Variants in PMFBP1 observed in about 807,000 individuals in gnomAD.
PMFBP1 encodes polyamine modulated factor 1 binding protein 1.
A neutral mutation model predicts 137.8 loss-of-function variants in PMFBP1; 131 were observed. The ratio of observed to expected loss-of-function variants is 0.95; its 90% CI spans 0.82 to 1.10. PMFBP1 has a LOEUF of 1.10. PMFBP1 is among the 50% of genes least tolerant of loss of function. The pLI is 0.00. For missense variants in PMFBP1, 1,199 were observed against 1,175.4 expected (o/e 1.02, Z -0.29); for synonymous variants, 490 against 450.4 (o/e 1.09, Z -1.11).
chr16:72,128,771 C>A lies in PMFBP1; in HGVS notation c.1974G>T (p.Leu658Phe). The part of the protein sequence containing the change: ...DKTLKENSRK[L>F]EEENENLRAE... ...CTCGGAGATTCTCATTTTCTTCCTCCAACTTTCTGGAATTCTCTTTCAACT... is the reference window on the plus strand; with the variant it reads ...CTCGGAGATTCTCATTTTCTTCCTCAAACTTTCTGGAATTCTCTTTCAACT... Residue 658 changes from leucine to phenylalanine, a missense_variant, in exon 14 of 21, where the codon TTG (leucine) becomes TTT (phenylalanine). Leu to Phe is a conservative substitution (Grantham distance 22). Coordinates refer to ENST00000237353, the MANE Select transcript of PMFBP1 (RefSeq NM_031293.3). 6.2e-7 allele frequency: 1 copy of A among 1,614,182 alleles called. No individual in the cohort carries two copies. Among genetic ancestry groups the A allele is most frequent in the Non-Finnish European group, 8.5e-7 (1 of 1,180,028 alleles).
At chr16:72,179,270 T>A (rs1229428125), upstream of PMFBP1, among the ~76,000 whole-genome samples, 1 of 152,224 alleles carries the variant, frequency 6.6e-6, no homozygotes. Flanking sequence ...TCAAACTGCA[T>A]AACCTAATAG....
At chr16:72,166,162 C>A (rs1339992188) in intron 2 of PMFBP1, among the ~76,000 whole-genome samples, 1 of 152,168 alleles carries the variant, frequency 6.6e-6, no homozygotes, top group African/African-American at 2.4e-5. Flanking sequence ...AAGTCCCCAA[C>A]CAAACCTCAT....
chr16:72,202,364 G>T, the PMFBP1 span, among the ~76,000 whole-genome samples: 1 of 152,168 alleles, frequency 6.6e-6, no homozygotes, highest in Non-Finnish European at 1.5e-5. Flanking sequence ...TATTTTTAGA[G>T]ATGGGATCTT....
At chr16:72,227,000 C>T in the PMFBP1 span, among the ~76,000 whole-genome samples, 15 of 152,072 alleles carry the variant, frequency 9.9e-5, no homozygotes, top group African/African-American at 2.9e-4. Context: ...TAATAAAAAA[C>T]CCACCCTCCC....
intron 5 of PMFBP1, among the ~76,000 whole-genome samples, chr16:72,144,484 G>A (rs945711588): frequency 1.3e-5 from 2 of 152,052 alleles, no homozygotes; most frequent in Non-Finnish European, 2.9e-5. Context: ...CAGAAGAATC[G>A]GTCTGTGAGC....
intron 3 of PMFBP1, among the ~76,000 whole-genome samples, chr16:72,159,797 CTTTT>C (rs34162927): frequency 2.0e-5 from 3 of 147,554 alleles, no homozygotes; most frequent in Non-Finnish European, 4.5e-5. Context: ...GCTTCTTTGT[CTTTT>C]TTTTTTTTTT....
the PMFBP1 span, among the ~76,000 whole-genome samples, chr16:72,234,153 A>G: frequency 6.6e-6 from 1 of 152,174 alleles, no homozygotes; most frequent in South Asian, 2.1e-4. Flanking sequence ...AGAAAGTGTT[A>G]CACTATTTTC....
rs2042436980 is a variant in PMFBP1, at chr16:72,125,235, C to T, written c.2421+3G>A. 6.2e-7 allele frequency: 1 copy of T among 1,611,524 alleles called. No individual in the cohort carries two copies. The highest frequency in any genetic ancestry group is 1.1e-5 in the South Asian group (1 of 90,588). ...GCAGCCCAAGCCCCTGGCAGCTCCT[C>T]ACCTCCAGCTCACTCTCCTGGTGGA... On this transcript the variant is annotated splice_donor_region_variant and intron_variant, in intron 16 of 20. Transcript: ENST00000237353.
At chr16:72,120,326 C>T (rs1048667515) in intron 19 of PMFBP1, among the ~76,000 whole-genome samples, 2 of 152,186 alleles carry the variant, frequency 1.3e-5, no homozygotes, top group Admixed American at 1.3e-4. Flanking sequence ...ACTCTGCCAG[C>T]TCTGGGCCTG....
chr16:72,233,076 T>C, the PMFBP1 span, among the ~76,000 whole-genome samples: 1 of 152,160 alleles, frequency 6.6e-6, no homozygotes, highest in Non-Finnish European at 1.5e-5. Context: ...TTAAGGTAAA[T>C]CATTTCTATA....
At chr16:72,240,506 T>C in the PMFBP1 span, among the ~76,000 whole-genome samples, 8 of 152,270 alleles carry the variant, frequency 5.3e-5, no homozygotes. Flanking sequence ...CATTTTGGTT[T>C]CCTTAATTTC....
At chr16:72,197,457 T>G in the PMFBP1 span, among the ~76,000 whole-genome samples, 1 of 152,166 alleles carries the variant, frequency 6.6e-6, no homozygotes, top group South Asian at 2.1e-4. Context: ...ATATACACAC[T>G]TAAATAGCAG....
At chr16:72,160,179 G>A (rs2144477579) in intron 3 of PMFBP1, among the ~76,000 whole-genome samples, 1 of 152,316 alleles carries the variant, frequency 6.6e-6, no homozygotes, top group East Asian at 1.9e-4. Flanking sequence ...GGCATGATTT[G>A]CCTTTTGAAA....
chr16:72,236,607 C>G, the PMFBP1 span, among the ~76,000 whole-genome samples: 6 of 152,120 alleles, frequency 3.9e-5, no homozygotes, highest in Non-Finnish European at 8.8e-5. Flanking sequence ...GCAGTACCCA[C>G]TAAATGTTTT....
Position 72,129,358 on chromosome 16 carries a change from C to A in PMFBP1, c.1783-125G>T, listed in dbSNP as rs2042513715. On this transcript the variant is annotated intron_variant, in intron 12 of 20. Transcript: ENST00000237353. The stretch of plus-strand genomic sequence containing the variant: ...AGAAGACAATTCCTTAGTTATATAG[C>A]ATATGTAAAATAAAAGGTTTCCTCC... 4 of 1,091,664 alleles carry A rather than the reference C, an allele frequency of 3.7e-6. No homozygotes were observed. In the Admixed American group the frequency reaches 8.2e-5, roughly 22 times the overall value. 67.6% of individuals were successfully genotyped at this position (1,091,664 alleles called of 1,614,324 possible).
At chr16:72,137,769 G>A (rs1031952969) in intron 7 of PMFBP1, among the ~76,000 whole-genome samples, 1 of 152,170 alleles carries the variant, frequency 6.6e-6, no homozygotes, top group African/African-American at 2.4e-5. Flanking sequence ...ATGTGGCTGG[G>A]GAGGAGCAAT....
intron 9 of PMFBP1, among the ~76,000 whole-genome samples, chr16:72,135,752 T>C (rs1173236086): frequency 7.2e-6 from 1 of 139,822 alleles, no homozygotes; most frequent in South Asian, 2.4e-4. Flanking sequence ...TTTTTTTTTT[T>C]TTTTTTTTTT....
the PMFBP1 span, among the ~76,000 whole-genome samples, chr16:72,196,883 C>T: frequency 1.3e-5 from 2 of 152,174 alleles, no homozygotes; most frequent in Non-Finnish European, 2.9e-5. Flanking sequence ...AAAGATAGCC[C>T]TAATATTGCT....
At chr16:72,233,607 G>A in the PMFBP1 span, among the ~76,000 whole-genome samples, 8 of 152,072 alleles carry the variant, frequency 5.3e-5, no homozygotes, top group Non-Finnish European at 8.8e-5. Context: ...ACCCTTTAAA[G>A]TATACAATTC....
Sources: gnomAD v4.1 joint callset for allele counts (sites outside exome capture counted in the v4.1 genomes callset) on GRCh38, gnomAD v4.1.1 for gene constraint, MANE v1.5 for transcripts, NCBI Gene and HGNC (gene_info 2026-07-23, HGNC 2026-07-21) for gene names.